NWD2: variants seen among roughly 807,000 people sequenced by gnomAD.
The protein encoded by NWD2 is NACHT and WD repeat domain-containing protein 2.
A neutral mutation model predicts 132.7 loss-of-function variants in NWD2; 37 were observed. The ratio of observed to expected loss-of-function variants is 0.28; its 90% confidence interval spans 0.21 to 0.37. The LOEUF is 0.37. Among genes scored for constraint, NWD2 ranks in the 10% least tolerant of loss-of-function variants. NWD2 has a pLI of 1.00. For missense variants in NWD2, 1,592 were observed against 2,122.4 expected (o/e 0.75, Z 4.91); for synonymous variants, 705 against 803.0 (o/e 0.88, Z 2.06).
chr4:37,268,314 G>A (rs890324597), intron 1 of NWD2, among the ~76,000 whole-genome samples: 1 of 151,892 alleles, frequency 6.6e-6, no homozygotes, highest in African/African-American at 2.4e-5. Flanking sequence ...TAAGGTTTTG[G>A]TTTAAAATCT....
intron 5 of NWD2, among the ~76,000 whole-genome samples, chr4:37,434,787 C>CT (rs10707634): frequency 1.1e-4 from 15 of 142,778 alleles, no homozygotes; most frequent in African/African-American, 2.3e-4. Context: ...TTTTTTTTTT[C>CT]TTTTTTTTTT....
intron 3 of NWD2, among the ~76,000 whole-genome samples, chr4:37,427,128 C>G (rs1691809195): frequency 6.6e-6 from 1 of 151,892 alleles, no homozygotes; most frequent in Admixed American, 6.6e-5. Context: ...TGCTGCCTGT[C>G]TACCTGGTCC....
intron 3 of NWD2, among the ~76,000 whole-genome samples, chr4:37,394,387 A>T (rs1039531212): frequency 2.2e-4 from 33 of 151,476 alleles, no homozygotes; most frequent in Non-Finnish European, 4.3e-4. Context: ...GACATAAATA[A>T]CAGTTATTGA....
intron 3 of NWD2, among the ~76,000 whole-genome samples, chr4:37,389,802 A>G (rs1720644823): frequency 6.6e-6 from 1 of 152,012 alleles, no homozygotes; most frequent in Non-Finnish European, 1.5e-5. Context: ...TTTTTACACA[A>G]TGGAGTCTTG....
chr4:37,260,589 G>A (rs1717609776), intron 1 of NWD2, among the ~76,000 whole-genome samples: 1 of 152,114 alleles, frequency 6.6e-6, no homozygotes, highest in South Asian at 2.1e-4. Flanking sequence ...ATTCATACAT[G>A]TAAACTATTT....
At chr4:37,396,878 C>T (rs925585296) in intron 3 of NWD2, among the ~76,000 whole-genome samples, 3 of 152,048 alleles carry the variant, frequency 2.0e-5, no homozygotes, top group Non-Finnish European at 2.9e-5. Flanking sequence ...ACTAAAAATA[C>T]AAAAATTAGC....
Position 37,444,395 on chromosome 4 carries a change from C to G in NWD2, c.2407C>G (p.Gln803Glu). Residue 803 changes from glutamine to glutamate, a missense_variant, in exon 7 of 7, where the codon CAG (glutamine) becomes GAG (glutamate). Physicochemically the swap from Gln to Glu is conservative, Grantham distance 29. Transcript: ENST00000309447. This position sits in a 1 kb window ranked among gnomAD's most constrained non-coding sequence, Gnocchi z 4.8. ...LLEEEKHFME[Q>E]ASFDRQAPDQ... ...GGAGGAAGAAAAGCACTTCATGGAA[C>G]AGGCTTCCTTTGACAGGCAGGCTCC... 2 of 1,552,186 alleles carry G rather than the reference C, an allele frequency of 1.3e-6. No homozygotes were observed. The highest frequency in any genetic ancestry group is 1.7e-6 in the Non-Finnish European group (2 of 1,147,100).
intron 1 of NWD2, among the ~76,000 whole-genome samples, chr4:37,286,460 A>G (rs1008587935): frequency 9.2e-5 from 14 of 152,224 alleles, no homozygotes; most frequent in Admixed American, 7.2e-4. Context: ...TTCACAAGAT[A>G]CTCACTTATA....
intron 2 of NWD2, among the ~76,000 whole-genome samples, chr4:37,338,089 A>G (rs1719445927): frequency 6.6e-6 from 1 of 152,204 alleles, no homozygotes; most frequent in African/African-American, 2.4e-5. Flanking sequence ...ATCTTTCCCT[A>G]CCTGTGGTGT....
At chr4:37,384,001 C>T (rs189570972) in intron 3 of NWD2, among the ~76,000 whole-genome samples, 34 of 152,084 alleles carry the variant, frequency 2.2e-4, no homozygotes, top group Admixed American at 5.9e-4. Context: ...CAGGACGTGC[C>T]GGTCTGTTAC....
rs531661579 is a variant in NWD2 at position 37,272,567 on chromosome 4, G to A, written c.151+27349G>A. Among the ~76,000 whole-genome samples, 28 of 151,674 alleles carry A rather than the reference G, an allele frequency of 1.8e-4. 1 individual carries two copies. Among genetic ancestry groups the A allele is most frequent in the Non-Finnish European group, 3.8e-4 (26 of 67,790 alleles). On this transcript the variant is annotated intron_variant, in intron 1 of 6. Coordinates refer to ENST00000309447, the MANE Select transcript of NWD2 (RefSeq NM_001144990.2). ...TTGTTGATATTGTTAGCATAAAATT[G>A]TGCATATTCGTTTTTTATTTTATTG...
Position 37,257,449 on chromosome 4 carries a change from A to G in NWD2, c.151+12231A>G, listed in dbSNP as rs573941375. On this transcript the variant is annotated intron_variant, in intron 1 of 6. Transcript: ENST00000309447. ...TTAGTCTTCTTAGGCTCATTTCTCAACTGAAAAATTGGAGCAATAATACCT... is the reference window on the plus strand; with the variant it reads ...TTAGTCTTCTTAGGCTCATTTCTCAGCTGAAAAATTGGAGCAATAATACCT... Among the ~76,000 whole-genome samples the G allele has an allele frequency of 7.9e-5, 12 of 152,344 alleles. No homozygotes were observed. The South Asian group carries it at 2.3e-3, about 29-fold the overall frequency.
At chr4:37,420,535 T>G (rs923096724) in intron 3 of NWD2, among the ~76,000 whole-genome samples, 1 of 152,022 alleles carries the variant, frequency 6.6e-6, no homozygotes, top group Admixed American at 6.6e-5. Flanking sequence ...AATACAAAAA[T>G]TAGCTGGTGT....
intron 1 of NWD2, among the ~76,000 whole-genome samples, chr4:37,251,387 G>A (rs1429490720): frequency 4.6e-5 from 7 of 152,200 alleles, no homozygotes; most frequent in Non-Finnish European, 8.8e-5. Context: ...GCACATGACT[G>A]TAGTAAAATA....
intron 3 of NWD2, among the ~76,000 whole-genome samples, chr4:37,385,082 G>A (rs1443385909): frequency 1.3e-5 from 2 of 152,086 alleles, no homozygotes; most frequent in Non-Finnish European, 2.9e-5. Context: ...AAAAGCCAGT[G>A]GTAGAACCCA....
intron 1 of NWD2, among the ~76,000 whole-genome samples, chr4:37,316,714 C>T (rs1054582219): frequency 1.3e-5 from 2 of 152,070 alleles, no homozygotes; most frequent in African/African-American, 4.8e-5. Context: ...TAGCTGATTT[C>T]AGGTTTTCAT....
At chr4:37,287,194 C>T (rs547091951) in intron 1 of NWD2, among the ~76,000 whole-genome samples, 2 of 152,314 alleles carry the variant, frequency 1.3e-5, no homozygotes, top group East Asian at 1.9e-4. Context: ...CCCATGCTAC[C>T]GGGGCCTAGG....
At chr4:37,246,941 C>T (rs930130496) in intron 1 of NWD2, among the ~76,000 whole-genome samples, 6 of 152,112 alleles carry the variant, frequency 3.9e-5, no homozygotes, top group African/African-American at 1.4e-4. Context: ...AGTTAGTACT[C>T]AAGGTTAATG....
chr4:37,247,751 A>G (rs1321266578), intron 1 of NWD2, among the ~76,000 whole-genome samples: 2 of 151,960 alleles, frequency 1.3e-5, no homozygotes, highest in African/African-American at 4.8e-5. Context: ...CTGGGATTAC[A>G]GGTGCCCACC....
Sources: gnomAD v4.1 joint callset for allele counts (sites outside exome capture counted in the v4.1 genomes callset) on GRCh38, gnomAD v4.1.1 for gene constraint, Gnocchi (gnomAD v3.1) non-coding constraint, MANE v1.5 for transcripts, NCBI Gene and HGNC (gene_info 2026-07-23, HGNC 2026-07-21) for gene names.